The following STAU2 variants were observed in gnomAD, a reference collection of about 807,000 sequenced individuals.
STAU2 encodes staufen double-stranded RNA binding protein 2, also known as double-stranded RNA-binding protein Staufen homolog 2.
Under a neutral mutation model 65.9 loss-of-function variants are expected in STAU2, and 20 were observed. The observed-to-expected ratio is 0.30, with a 90% CI of 0.21 to 0.44. The LOEUF (loss-of-function observed/expected upper bound fraction) is 0.44. Ranked by LOEUF, STAU2 falls within the 20% of genes least tolerant of loss-of-function variation. STAU2 has a pLI of 1.00. For synonymous variants in STAU2, 232 were observed against 233.9 expected (o/e 0.99, Z 0.07); for missense variants, 558 against 683.9 (o/e 0.82, Z 2.05).
At chr8:73,450,917 G>A (rs1818768092) in intron 13 of STAU2, among the ~76,000 whole-genome samples, 1 of 152,196 alleles carries the variant, frequency 6.6e-6, no homozygotes, top group Non-Finnish European at 1.5e-5. Context: ...GACGGCATTT[G>A]TAGTTACCAG....
At position 73,601,967 on chromosome 8, in the gene STAU2, G is replaced by C. The variant is rs147378959; in HGVS notation, c.1029+1759C>G. ...AAAAAATAGTGAACATATTTTACCA[G>C]TGAAAATAATGAAACAATCATGTGC... On this transcript the variant is annotated intron_variant, in intron 10 of 14. Transcript: ENST00000524300. 3.3e-5 allele frequency among the ~76,000 whole-genome samples: 5 copies of C among 152,240 alleles called. No individual in the cohort carries two copies. The East Asian group carries it at 9.6e-4, about 29-fold the overall frequency.
intron 13 of STAU2, among the ~76,000 whole-genome samples, chr8:73,548,523 A>C (rs1387345069): frequency 2.0e-5 from 3 of 152,180 alleles, no homozygotes; most frequent in East Asian, 3.8e-4. Context: ...GAGGCATATG[A>C]GTTGAAATGT....
chr8:73,490,618 C>T (rs1397164911), intron 13 of STAU2, among the ~76,000 whole-genome samples: 2 of 151,954 alleles, frequency 1.3e-5, no homozygotes, highest in Non-Finnish European at 2.9e-5. Flanking sequence ...ATTCCAGCTC[C>T]AAGGAGTATA....
chr8:73,725,698 G>A (rs540483118), intron 3 of STAU2, among the ~76,000 whole-genome samples: 4 of 152,330 alleles, frequency 2.6e-5, no homozygotes, highest in Non-Finnish European at 5.9e-5. Context: ...TTGGGAGGCC[G>A]AGGCAGGTGA....
At chr8:73,549,898 T>C in intron 13 of STAU2, 1 of 985,694 alleles carries the variant, frequency 1.0e-6, no homozygotes, top group Non-Finnish European at 1.2e-6. Flanking sequence ...ATTAAAACAT[T>C]TAAGTAATAG....
chr8:73,672,962 C>T (rs1377150220), intron 6 of STAU2, 145 bp downstream of exon 6: 1 of 695,292 alleles, frequency 1.4e-6, no homozygotes, highest in Non-Finnish European at 2.0e-6. Context: ...TTTAAATATT[C>T]CTTGTGAACC....
intron 13 of STAU2, among the ~76,000 whole-genome samples, chr8:73,511,102 G>A (rs1191573817): frequency 6.6e-6 from 1 of 152,196 alleles, no homozygotes; most frequent in Non-Finnish European, 1.5e-5. Flanking sequence ...TGGTGTCGGT[G>A]CATGAGATGC....
chr8:73,495,014 T>G (rs910610165), intron 13 of STAU2, among the ~76,000 whole-genome samples: 8 of 151,620 alleles, frequency 5.3e-5, no homozygotes, highest in African/African-American at 1.9e-4. Flanking sequence ...GCTTCTTTTA[T>G]CATATATTCA....
chr8:73,659,461 C>T (rs527274966), intron 6 of STAU2, among the ~76,000 whole-genome samples: 62 of 152,036 alleles, frequency 4.1e-4, no homozygotes, highest in Non-Finnish European at 7.9e-4. Context: ...TGCTTGAACC[C>T]GGGAGGCGGA....
intron 1 of STAU2, among the ~76,000 whole-genome samples, chr8:73,741,649 G>A (rs932915777): frequency 6.6e-6 from 1 of 151,908 alleles, no homozygotes; most frequent in African/African-American, 2.4e-5. Flanking sequence ...AGTAGCTGGG[G>A]ATACAGGTAC....
intron 13 of STAU2, among the ~76,000 whole-genome samples, chr8:73,462,198 G>A (rs975223929): frequency 6.6e-6 from 1 of 151,878 alleles, no homozygotes; most frequent in Non-Finnish European, 1.5e-5. Flanking sequence ...TCCTGCCTCA[G>A]CTTCCTGAGT....
intron 6 of STAU2, chr8:73,651,630 A>G: frequency 1.7e-6 from 1 of 597,812 alleles, no homozygotes; most frequent in South Asian, 1.6e-5. Context: ...GGTCTCTGCA[A>G]GTGGAACAAG....
chr8:73,656,148 T>G (rs1027420170), intron 6 of STAU2, among the ~76,000 whole-genome samples: 5 of 152,220 alleles, frequency 3.3e-5, no homozygotes, highest in Non-Finnish European at 5.9e-5. Flanking sequence ...TACAGAGCTT[T>G]TTTTCTTTAT....
intron 4 of STAU2, among the ~76,000 whole-genome samples, chr8:73,706,602 T>C (rs1820519565): frequency 6.6e-6 from 1 of 152,196 alleles, no homozygotes; most frequent in East Asian, 1.9e-4. Context: ...AACTATATTA[T>C]TATGTGAACT....
chr8:73,686,613 A>G (rs1425706260), intron 5 of STAU2, among the ~76,000 whole-genome samples: 2 of 151,862 alleles, frequency 1.3e-5, no homozygotes, highest in Non-Finnish European at 2.9e-5. Flanking sequence ...ATGAGGGGTA[A>G]AGACTACACA....
intron 13 of STAU2, among the ~76,000 whole-genome samples, chr8:73,477,690 A>G (rs1024259321): frequency 6.6e-6 from 1 of 152,178 alleles, no homozygotes; most frequent in African/African-American, 2.4e-5. Flanking sequence ...GAAGTTCTAC[A>G]GAGGGATACC....
At chr8:73,730,841 T>C (rs555709816) in intron 3 of STAU2, among the ~76,000 whole-genome samples, 1 of 152,258 alleles carries the variant, frequency 6.6e-6, no homozygotes, top group South Asian at 2.1e-4. Flanking sequence ...TGAGGTCCTC[T>C]AGTCCCTTAC....
intron 13 of STAU2, among the ~76,000 whole-genome samples, chr8:73,488,709 C>A (rs1821031609): frequency 6.7e-6 from 1 of 148,384 alleles, no homozygotes; most frequent in African/African-American, 2.5e-5. Context: ...AAAAGCTATA[C>A]CAGACTATCA....
chr8:73,463,560 A>C (rs1321296310), intron 13 of STAU2, among the ~76,000 whole-genome samples: 1 of 152,224 alleles, frequency 6.6e-6, no homozygotes, highest in Non-Finnish European at 1.5e-5. Flanking sequence ...CTAAGTGCTC[A>C]AGGCCTTAGT....
Sources: gnomAD v4.1 joint callset for allele counts (sites outside exome capture counted in the v4.1 genomes callset) on GRCh38, gnomAD v4.1.1 for gene constraint, MANE v1.5 for transcripts, NCBI Gene and HGNC (gene_info 2026-07-23, HGNC 2026-07-21) for gene names.